PLXDC2: variants seen among roughly 807,000 people sequenced by gnomAD.
The protein encoded by PLXDC2 is plexin domain-containing protein 2.
PLXDC2 carries 40 observed loss-of-function variants against 68.9 expected under a neutral mutation model. That is an observed-to-expected ratio of 0.58 (90% confidence interval 0.45 to 0.76). PLXDC2 has a LOEUF of 0.76. PLXDC2 is among the 30% of genes least tolerant of loss of function. PLXDC2 has a pLI of 0.00. For missense variants in PLXDC2, 644 were observed against 661.9 expected (o/e 0.97, Z 0.30); for synonymous variants, 243 against 234.2 (o/e 1.04, Z -0.34).
At chr10:20,115,951 G>A (rs192458236) in intron 4 of PLXDC2, among the ~76,000 whole-genome samples, 15 of 152,250 alleles carry the variant, frequency 9.9e-5, no homozygotes, top group Admixed American at 2.6e-4. Context: ...ATTCCTCGCA[G>A]CACGATGACC....
At chr10:20,194,139 A>AT (rs1272477857) in intron 9 of PLXDC2, among the ~76,000 whole-genome samples, 18 of 148,322 alleles carry the variant, frequency 1.2e-4, no homozygotes, top group Non-Finnish European at 1.9e-4. Flanking sequence ...TATATATGTA[A>AT]TTTTTAAGCA....
At chr10:20,142,239 T>C (rs1289692806) in intron 4 of PLXDC2, among the ~76,000 whole-genome samples, 2 of 152,104 alleles carry the variant, frequency 1.3e-5, no homozygotes, top group Non-Finnish European at 2.9e-5. Context: ...CCTGTGAAAG[T>C]AGAAAAATGA....
intron 3 of PLXDC2, among the ~76,000 whole-genome samples, chr10:20,048,616 A>G (rs1835838181): frequency 6.6e-6 from 1 of 152,072 alleles, no homozygotes; most frequent in Non-Finnish European, 1.5e-5. Context: ...GCACATGGAG[A>G]TTCTGTGACG....
At chr10:20,019,957 A>G (rs1564658930) in intron 2 of PLXDC2, among the ~76,000 whole-genome samples, 1 of 152,122 alleles carries the variant, frequency 6.6e-6, no homozygotes, top group South Asian at 2.1e-4. Flanking sequence ...ATCTGATCTC[A>G]GCTATGAGTG....
At chr10:20,077,014 C>CATAT (rs1378096711) in intron 4 of PLXDC2, among the ~76,000 whole-genome samples, 1 of 152,126 alleles carries the variant, frequency 6.6e-6, no homozygotes, top group African/African-American at 2.4e-5. Context: ...ATCAGTACGA[C>CATAT]ATATATATTA....
intron 13 of PLXDC2, among the ~76,000 whole-genome samples, chr10:20,271,132 G>GACACACACACATACACACACACACAC (rs372504677): frequency 2.0e-5 from 2 of 97,750 alleles, no homozygotes; most frequent in African/African-American, 6.6e-5. Context: ...ACAAAAAACA[G>GACACACACACATACACACACACACAC]ACACACACAC....
At chr10:20,248,522 G>A (rs751133384) in intron 13 of PLXDC2, among the ~76,000 whole-genome samples, 8 of 152,166 alleles carry the variant, frequency 5.3e-5, no homozygotes, top group Non-Finnish European at 1.0e-4. Flanking sequence ...GATTCATTCA[G>A]CAGGTCTCCC....
At chr10:20,271,686 C>A (rs567222577) in intron 13 of PLXDC2, among the ~76,000 whole-genome samples, 2 of 152,244 alleles carry the variant, frequency 1.3e-5, no homozygotes, top group South Asian at 4.1e-4. Context: ...AGTAAGCTGA[C>A]TGAAGAGGCC....
chr10:20,181,496 G>C (rs1694228158), intron 9 of PLXDC2, among the ~76,000 whole-genome samples: 1 of 152,022 alleles, frequency 6.6e-6, no homozygotes, highest in African/African-American at 2.4e-5. Context: ...AGTTGTTCTT[G>C]ACTCGGCGGC....
chr10:20,022,257 A>AT (rs1239606591), intron 2 of PLXDC2, among the ~76,000 whole-genome samples: 2 of 152,178 alleles, frequency 1.3e-5, no homozygotes, highest in African/African-American at 2.4e-5. Flanking sequence ...AGTTGCCAGT[A>AT]TTTTTTAGTA....
At chr10:20,170,439 T>C (rs1834432387) in intron 7 of PLXDC2, among the ~76,000 whole-genome samples, 1 of 152,158 alleles carries the variant, frequency 6.6e-6, no homozygotes, top group African/African-American at 2.4e-5. Flanking sequence ...ATCCTCCTGC[T>C]TCAGCCTCCC....
chr10:20,042,510 G>T (rs1249211246), intron 2 of PLXDC2, among the ~76,000 whole-genome samples: 1 of 151,976 alleles, frequency 6.6e-6, no homozygotes, highest in Non-Finnish European at 1.5e-5. Context: ...ATCTTACTAA[G>T]AATTTTCATT....
chr10:19,943,433 A>C (rs967437369), intron 1 of PLXDC2, among the ~76,000 whole-genome samples: 3 of 152,248 alleles, frequency 2.0e-5, no homozygotes, highest in Non-Finnish European at 4.4e-5. Context: ...TCCCAGAAAC[A>C]AGACCACACC....
chr10:20,279,694 C>G lies in PLXDC2; in HGVS notation c.1474-9C>G. 3.1e-6 allele frequency: 5 copies of G among 1,610,822 alleles called. No individual in the cohort carries two copies. Among genetic ancestry groups the G allele is most frequent in the Non-Finnish European group, 4.2e-6 (5 of 1,178,122 alleles). On this transcript the variant is annotated splice_polypyrimidine_tract_variant and intron_variant, in intron 13 of 13. Transcript: ENST00000377252. ...CGCACATTTTTTATTTTTGTGTTTT[C>G]TGTTTCAGAGACGCCCAAGCAGATG...
chr10:20,092,278 G>A (rs921722319), intron 4 of PLXDC2, among the ~76,000 whole-genome samples: 2 of 152,198 alleles, frequency 1.3e-5, no homozygotes, highest in African/African-American at 2.4e-5. Context: ...TTTACTTTAA[G>A]CCTTATCCGG....
At chr10:19,845,966 C>T (rs1268538405) in intron 1 of PLXDC2, among the ~76,000 whole-genome samples, 3 of 152,154 alleles carry the variant, frequency 2.0e-5, no homozygotes, top group Non-Finnish European at 4.4e-5. Flanking sequence ...AGTGTCTGAG[C>T]CCTGGCCCTG....
chr10:20,273,331 G>A (rs920217177), intron 13 of PLXDC2, among the ~76,000 whole-genome samples: 5 of 152,054 alleles, frequency 3.3e-5, no homozygotes, highest in Admixed American at 3.3e-4. Context: ...CTTCTCGTCT[G>A]TGTTCCTTTA....
At chr10:19,818,227 GGTGTGT>G (rs749435110) in intron 1 of PLXDC2, among the ~76,000 whole-genome samples, 23,446 of 137,414 alleles carry the variant, frequency 0.17, 1,909 homozygotes, top group Middle Eastern at 0.19. Flanking sequence ...GTTCTTTTCT[GGTGTGT>G]GTGTGTGTGT....
chr10:20,181,354 A>G (rs954150299), intron 9 of PLXDC2, among the ~76,000 whole-genome samples: 1 of 152,190 alleles, frequency 6.6e-6, no homozygotes, highest in Non-Finnish European at 1.5e-5. Context: ...AGCTATAATC[A>G]AGTTTTAATC....
Sources: allele counts gnomAD v4.1 joint callset (sites outside exome capture counted in the v4.1 genomes callset), GRCh38; gene constraint gnomAD v4.1.1; transcripts MANE v1.5; gene names NCBI Gene and HGNC (gene_info 2026-07-23, HGNC 2026-07-21).